DMBT1: variants seen among roughly 807,000 people sequenced by gnomAD.
DMBT1 encodes scavenger receptor cysteine-rich domain-containing protein DMBT1.
A neutral mutation model predicts 252.9 loss-of-function variants in DMBT1; 198 were observed. The observed-to-expected ratio is 0.78, with a 90% CI of 0.70 to 0.88. DMBT1 has a LOEUF of 0.88. Ranked by LOEUF, DMBT1 falls within the 40% of genes least tolerant of loss-of-function variation. The probability of loss-of-function intolerance (pLI) is 0.00; values close to 1 mark genes in which losing one functional copy is unlikely to be tolerated. For synonymous variants in DMBT1, 990 were observed against 942.7 expected, an observed-to-expected ratio of 1.05 and a Z score of -0.92; for missense variants, 2,432 against 2,404.7, an observed-to-expected ratio of 1.01 and a Z score of -0.24.
rs1437407547 is a variant in DMBT1, at chr10:122,643,231, C to T, written c.7462C>T (p.Arg2488Cys). ...GAACCGCTTCCCCTCCGTGTACCTGCGTTGTAAAATGGTGGTGTGCAGAGC... is the reference window on the plus strand; with the variant it reads ...GAACCGCTTCCCCTCCGTGTACCTGTGTTGTAAAATGGTGGTGTGCAGAGC... Reference protein sequence around the residue: ...FLNRFPSVYLRCKMVVCRAYD... With the variant: ...FLNRFPSVYLCCKMVVCRAYD... Residue 2488 changes from arginine (R) to cysteine (C), a missense_variant, in exon 56 of 56, where the codon CGT becomes TGT. By Grantham distance (180) the Arg-to-Cys change is radical. This residue lies in a region of DMBT1 where 1,162 missense variants were observed against 1,169.0 expected (regional missense o/e 0.99). Transcript: ENST00000338354. The T allele has an allele frequency of 9.3e-6, 15 of 1,613,810 alleles. No homozygotes were observed. The highest frequency in any genetic ancestry group is 1.1e-5 in the Non-Finnish European group (13 of 1,179,888).
intron 10 of DMBT1, among the ~76,000 whole-genome samples, 169 bp downstream of exon 10, chr10:122,580,070 G>T (rs548807851): frequency 6.6e-6 from 1 of 152,314 alleles, no homozygotes; most frequent in African/African-American, 2.4e-5. Context: ...TAGTGTTCCT[G>T]TGGTCACTTA....
At chr10:122,630,602 C>A (rs937281311) in intron 48 of DMBT1, 112 bp downstream of exon 48, 1 of 1,137,268 alleles carries the variant, frequency 8.8e-7, no homozygotes, top group Non-Finnish European at 1.3e-6. Flanking sequence ...CGATGCACGG[C>A]CCATTCTCTT....
rs1017705593 is a variant in DMBT1, at chr10:122,599,984, C to T, written c.3281-80C>T. On this transcript the variant is annotated intron_variant, in intron 26 of 55. Transcript: ENST00000338354. ...AGGATGGACTGAGTGTCAGACTCGCCCATTTCTTTCCCTCCTCGTTCCACT... is the reference window on the plus strand; with the variant it reads ...AGGATGGACTGAGTGTCAGACTCGCTCATTTCTTTCCCTCCTCGTTCCACT... The T allele has an allele frequency of 8.2e-5, 128 of 1,561,394 alleles. 2 individuals carry two copies. Among genetic ancestry groups the T allele is most frequent in the Middle Eastern group, 6.7e-4 (4 of 5,932 alleles).
chr10:122,590,275 T>A (rs56124712), intron 17 of DMBT1, among the ~76,000 whole-genome samples: 3,357 of 148,708 alleles, frequency 0.023, 36 homozygotes, highest in African/African-American at 0.077. Flanking sequence ...GGGCGGGCAG[T>A]GCCCATTAGG....
chr10:122,566,112 G>A lies in DMBT1; in HGVS notation c.91+116G>A, dbSNP rs567725324. On this transcript the variant is annotated intron_variant, in intron 2 of 55. Coordinates refer to ENST00000338354, the MANE Select transcript of DMBT1 (RefSeq NM_001377530.1). Reference sequence around the variant, plus strand: ...TCACAGAGCAAACGCCTGCCTTGTCGAATGCAGGAATGCCGGGGGGACAGG... The same window carrying A: ...TCACAGAGCAAACGCCTGCCTTGTCAAATGCAGGAATGCCGGGGGGACAGG... The A allele has an allele frequency of 5.4e-5, 59 of 1,087,010 alleles. 1 individual carries two copies. In the African/African-American group the frequency reaches 7.7e-4, roughly 14 times the overall value. The allele number at this position is 1,087,010 out of a possible 1,614,324, so 67.3% of individuals were successfully genotyped here. A position where few individuals can be genotyped will look rare whatever the true frequency, so the allele number is the denominator to read the frequency against.
At chr10:122,639,087 G>A (rs1844022304) in intron 54 of DMBT1, among the ~76,000 whole-genome samples, 1 of 152,198 alleles carries the variant, frequency 6.6e-6, no homozygotes, top group Non-Finnish European at 1.5e-5. Flanking sequence ...CCACCAGGCT[G>A]GCCTGTGATA....
intron 26 of DMBT1, among the ~76,000 whole-genome samples, chr10:122,599,734 G>C (rs1444528221): frequency 1.3e-5 from 2 of 152,188 alleles, no homozygotes; most frequent in Non-Finnish European, 1.5e-5. Flanking sequence ...GCTTGAGGAC[G>C]GCACAAGGGA....
At chr10:122,575,604 G>T (rs1272337382) in intron 6 of DMBT1, among the ~76,000 whole-genome samples, 1 of 152,138 alleles carries the variant, frequency 6.6e-6, no homozygotes. Context: ...TGAGTCTACT[G>T]TTGTGACAGG....
intron 43 of DMBT1, among the ~76,000 whole-genome samples, chr10:122,620,582 C>G (rs931617561): frequency 6.6e-6 from 1 of 152,232 alleles, no homozygotes; most frequent in African/African-American, 2.4e-5. Context: ...GGACCTTGTT[C>G]CTGGCCCTCA....
At chr10:122,571,813 G>C (rs563849946) in intron 4 of DMBT1, among the ~76,000 whole-genome samples, 1 of 152,228 alleles carries the variant, frequency 6.6e-6, no homozygotes, top group African/African-American at 2.4e-5. Context: ...CAATCACCAA[G>C]TGGAACTGGG....
At chr10:122,589,355 C>A in intron 17 of DMBT1, 88 bp downstream of exon 17, 2 of 1,533,636 alleles carry the variant, frequency 1.3e-6, no homozygotes, top group East Asian at 2.4e-5. Context: ...TCACTCAGAG[C>A]TTTTTCAACC....
intron 50 of DMBT1, 89 bp from the exon 51 acceptor site, chr10:122,632,748 AGCTCCTCCCTGTGGACTCAGGCTT>A: frequency 1.4e-6 from 2 of 1,417,794 alleles, no homozygotes; most frequent in Non-Finnish European, 1.9e-6. Flanking sequence ...GCCTGTGTCC[AGCTCCTCCCTGTGGACTCAGGCTT>A]GGCACAGCAT....
chr10:122,643,584 T>C lies in DMBT1; in HGVS notation c.*186T>C. The C allele has an allele frequency of 1.2e-6, 1 of 844,218 alleles. No homozygotes were observed. Among genetic ancestry groups the C allele is most frequent in the Non-Finnish European group, 1.8e-6 (1 of 560,712 alleles). 52.3% of individuals were successfully genotyped at this position (844,218 alleles called of 1,614,324 possible). On this transcript the variant is annotated 3_prime_UTR_variant, in exon 56 of 56. Coordinates refer to ENST00000338354, the MANE Select transcript of DMBT1 (RefSeq NM_001377530.1). ...GGCTCATGGTCCTTGGAGGACCCGT[T>C]GCAGGGTGAGGTCAAGAGAGTTCTG...
At chr10:122,564,811 T>C (rs1320113586) in intron 1 of DMBT1, among the ~76,000 whole-genome samples, 1 of 152,216 alleles carries the variant, frequency 6.6e-6, no homozygotes. Flanking sequence ...TGAAGACTCA[T>C]AGTCTGAGAT....
intron 20 of DMBT1, among the ~76,000 whole-genome samples, chr10:122,593,264 G>A (rs1357861646): frequency 6.7e-6 from 1 of 148,658 alleles, no homozygotes; most frequent in Non-Finnish European, 1.5e-5. Flanking sequence ...GGCTGGAGTG[G>A]CTTCCTCAGC....
At chr10:122,593,424 G>A (rs1434347154) in intron 20 of DMBT1, 145 bp from the exon 21 acceptor site, 2 of 1,047,298 alleles carry the variant, frequency 1.9e-6, no homozygotes, top group Admixed American at 3.6e-5. Flanking sequence ...TCTCTGTGGG[G>A]ATGTGCATGG....
intron 44 of DMBT1, 47 bp from the exon 45 acceptor site, chr10:122,625,230 C>T (rs201599026): frequency 3.8e-6 from 6 of 1,592,884 alleles, no homozygotes; most frequent in Non-Finnish European, 4.3e-6. Flanking sequence ...TCTCGCTCAT[C>T]ATCCTGGGCA....
intron 2 of DMBT1, among the ~76,000 whole-genome samples, chr10:122,567,142 T>C (rs894061494): frequency 2.2e-4 from 33 of 152,320 alleles, no homozygotes; most frequent in African/African-American, 7.2e-4. Context: ...AGGACATGAC[T>C]TGAGAGATCC....
In DMBT1 at chr10:122,618,046, G is replaced by C. The variant is rs1265843403; in HGVS notation, c.4921G>C (p.Val1641Leu). 1.9e-6 allele frequency: 3 copies of C among 1,613,238 alleles called. No homozygotes were observed. In the African/African-American group the frequency reaches 4.0e-5, roughly 22 times the overall value. Residue 1641 changes from valine (V) to leucine (L), a missense_variant, in exon 41 of 56, where the codon GTG becomes CTG. Transcript: ENST00000338354. The part of the protein sequence containing the change: ...GSESTLALRL[V>L]NGGDRCRGRV... ...TGAATCCACTTTGGCCCTGAGACTGGTGAATGGAGGTGACAGGTGTCGAGG... is the reference window on the plus strand; with the variant it reads ...TGAATCCACTTTGGCCCTGAGACTGCTGAATGGAGGTGACAGGTGTCGAGG...
Sources: gnomAD v4.1 joint callset for allele counts (sites outside exome capture counted in the v4.1 genomes callset) on GRCh38, gnomAD v4.1.1 for gene constraint, gnomAD v4.1.1 regional missense constraint, MANE v1.5 for transcripts, NCBI Gene and HGNC (gene_info 2026-07-23, HGNC 2026-07-21) for gene names.